PRDM2: variants seen among roughly 807,000 people sequenced by gnomAD.
The protein encoded by PRDM2 is PR domain zinc finger protein 2.
PRDM2 carries 30 observed loss-of-function variants against 130.0 expected under a neutral mutation model. The observed-to-expected ratio is 0.23, with a 90% CI of 0.17 to 0.31. The LOEUF (loss-of-function observed/expected upper bound fraction) is 0.31. Among genes scored for constraint, PRDM2 ranks in the 10% least tolerant of loss-of-function variants. The probability of loss-of-function intolerance (pLI) is 1.00; values close to 1 mark genes in which losing one functional copy is unlikely to be tolerated. For missense variants in PRDM2, 2,011 were observed against 2,108.4 expected (o/e 0.95, Z 0.90); for synonymous variants, 871 against 782.4 (o/e 1.11, Z -1.89).
intron 6 of PRDM2, among the ~76,000 whole-genome samples, 194 bp downstream of exon 6, chr1:13,749,681 G>T (rs1043749686): frequency 1.1e-4 from 17 of 151,660 alleles, no homozygotes; most frequent in African/African-American, 4.1e-4. Flanking sequence ...TCCCGCTCGG[G>T]CCCTGCGATC....
chr1:13,706,490 A>T (rs748788593), intron 1 of PRDM2, among the ~76,000 whole-genome samples: 4 of 152,016 alleles, frequency 2.6e-5, no homozygotes, highest in Non-Finnish European at 5.9e-5. Context: ...TTCTCCACAG[A>T]CCTTTTGGAA....
intron 8 of PRDM2, 96 bp downstream of exon 8, chr1:13,782,927 T>G (rs1644651274): frequency 3.2e-6 from 5 of 1,572,008 alleles, no homozygotes; most frequent in Non-Finnish European, 4.3e-6. Context: ...TTTTTTTTTT[T>G]TTCCCCACTT....
chr1:13,721,579 A>G (rs1642730280), intron 2 of PRDM2, among the ~76,000 whole-genome samples: 1 of 152,182 alleles, frequency 6.6e-6, no homozygotes, highest in Non-Finnish European at 1.5e-5. Context: ...CTCATTTTGA[A>G]TCATGTATTC....
chr1:13,724,113 A>G (rs1642827702), intron 2 of PRDM2, among the ~76,000 whole-genome samples: 1 of 152,208 alleles, frequency 6.6e-6, no homozygotes, highest in Non-Finnish European at 1.5e-5. Flanking sequence ...CAGGCCTGGA[A>G]TACAAATGCA....
At chr1:13,770,308 AACTT>A (rs763004108) in intron 6 of PRDM2, 1 of 490,328 alleles carries the variant, frequency 2.0e-6, no homozygotes, top group Non-Finnish European at 4.1e-6. Flanking sequence ...TAGGGAATAA[AACTT>A]AAAATAGCAC....
chr1:13,701,462 T>A (rs536465740), intron 1 of PRDM2, among the ~76,000 whole-genome samples: 27 of 151,328 alleles, frequency 1.8e-4, no homozygotes, highest in Admixed American at 6.6e-4. Context: ...GTAGGCCTTT[T>A]AAAAAAAAAC....
intron 6 of PRDM2, among the ~76,000 whole-genome samples, chr1:13,759,162 C>T (rs1644035841): frequency 7.1e-6 from 1 of 140,950 alleles, no homozygotes. Context: ...TTCCCCTACC[C>T]TTTTTTTTTT....
chr1:13,768,888 C>G (rs1324327361), intron 6 of PRDM2, among the ~76,000 whole-genome samples: 1 of 152,206 alleles, frequency 6.6e-6, no homozygotes, highest in Non-Finnish European at 1.5e-5. Context: ...AATGAATATA[C>G]TACATTGGTC....
chr1:13,778,163 G>A (rs972248198), intron 7 of PRDM2, among the ~76,000 whole-genome samples: 1 of 152,174 alleles, frequency 6.6e-6, no homozygotes, highest in Non-Finnish European at 1.5e-5. Flanking sequence ...TGTCTGTTGC[G>A]CTCGTGTGTG....
intron 8 of PRDM2, among the ~76,000 whole-genome samples, chr1:13,785,312 T>TA (rs1644711677): frequency 6.6e-6 from 1 of 152,242 alleles, no homozygotes; most frequent in Admixed American, 6.5e-5. Context: ...TTGCTTTACT[T>TA]ACCCTGTTGG....
At chr1:13,819,298 C>T (rs906976162) in intron 9 of PRDM2, among the ~76,000 whole-genome samples, 1 of 152,196 alleles carries the variant, frequency 6.6e-6, no homozygotes, top group Non-Finnish European at 1.5e-5. Flanking sequence ...TAGGCTCTGC[C>T]CCAGCACCAA....
chr1:13,816,177 C>G (rs1645253645), intron 8 of PRDM2, among the ~76,000 whole-genome samples: 1 of 152,224 alleles, frequency 6.6e-6, no homozygotes, highest in African/African-American at 2.4e-5. Flanking sequence ...GGACACTCCT[C>G]TTGCCCGTGC....
chr1:13,736,280 A>C (rs1329932429), intron 4 of PRDM2, among the ~76,000 whole-genome samples: 1 of 151,686 alleles, frequency 6.6e-6, no homozygotes, highest in Non-Finnish European at 1.5e-5. Context: ...TGTCCAGCTA[A>C]TTTTTGTATT....
In PRDM2 at chr1:13,719,240, C is replaced by G. The variant is rs1253355448; in HGVS notation, c.9+3626C>G. 2.0e-5 allele frequency among the ~76,000 whole-genome samples: 3 copies of G among 152,240 alleles called. No homozygotes were observed. In the East Asian group the frequency reaches 5.8e-4, roughly 29 times the overall value. The stretch of plus-strand genomic sequence containing the variant: ...TGAAACTTAGGTAATAACCAGGAAC[C>G]AGATAGACACATGAAGATCTGGAAA... On this transcript the variant is annotated intron_variant, in intron 2 of 9. Coordinates refer to ENST00000311066, the MANE Select transcript of PRDM2 (RefSeq NM_001393986.1).
chr1:13,749,337 C>G (rs746288161), intron 5 of PRDM2, 24 bp from the exon 6 acceptor site: 1 of 1,463,420 alleles, frequency 6.8e-7, no homozygotes, highest in Non-Finnish European at 9.2e-7. Flanking sequence ...ATTGGCCCGG[C>G]GCTTGTCTCT....
intron 9 of PRDM2, among the ~76,000 whole-genome samples, chr1:13,817,685 T>C (rs768708502): frequency 2.0e-5 from 3 of 151,746 alleles, no homozygotes; most frequent in Non-Finnish European, 4.4e-5. Context: ...ATAGTACGAA[T>C]AGGGCCAAAC....
chr1:13,812,674 T>A (rs1350362744), intron 8 of PRDM2, among the ~76,000 whole-genome samples: 1 of 151,956 alleles, frequency 6.6e-6, no homozygotes, highest in East Asian at 1.9e-4. Flanking sequence ...TGCCCAGGAG[T>A]TTGAGCCAAA....
At chr1:13,735,163 C>T (rs1643228927) in intron 4 of PRDM2, among the ~76,000 whole-genome samples, 1 of 152,232 alleles carries the variant, frequency 6.6e-6, no homozygotes, top group African/African-American at 2.4e-5. Flanking sequence ...TTAAATTGCT[C>T]TCCTTGAGCC....
chr1:13,811,099 G>C (rs1049595150), intron 8 of PRDM2, among the ~76,000 whole-genome samples: 2 of 151,918 alleles, frequency 1.3e-5, no homozygotes, highest in Non-Finnish European at 2.9e-5. Context: ...CGGGAGAATC[G>C]CTTGAACCTG....
Sources: gnomAD v4.1 joint callset for allele counts (sites outside exome capture counted in the v4.1 genomes callset) on GRCh38, gnomAD v4.1.1 for gene constraint, MANE v1.5 for transcripts, NCBI Gene and HGNC (gene_info 2026-07-23, HGNC 2026-07-21) for gene names.